The following KCNT2 variants were observed in gnomAD, a reference collection of about 807,000 sequenced individuals.
KCNT2 encodes potassium sodium-activated channel subfamily T member 2, also known as potassium channel subfamily T member 2.
Under a neutral mutation model 153.8 loss-of-function variants are expected in KCNT2, and 67 were observed. The observed-to-expected ratio is 0.44, with a 90% CI of 0.36 to 0.53. KCNT2 has a LOEUF of 0.53. KCNT2 is among the 20% of genes least tolerant of loss of function. The pLI, the probability that KCNT2 is intolerant of heterozygous loss-of-function variation, is 0.00. For synonymous variants in KCNT2, 500 were observed against 458.8 expected, an observed-to-expected ratio of 1.09 and a Z score of -1.15; for missense variants, 975 against 1,354.8, an observed-to-expected ratio of 0.72 and a Z score of 4.40.
intron 1 of KCNT2, among the ~76,000 whole-genome samples, chr1:196,569,307 A>C (rs1413215330): frequency 3.3e-5 from 5 of 152,172 alleles, no homozygotes. Flanking sequence ...ACTTTGAATA[A>C]AATATTTTTT....
intron 14 of KCNT2, among the ~76,000 whole-genome samples, chr1:196,347,971 G>A (rs985473509): frequency 6.6e-6 from 1 of 152,026 alleles, no homozygotes; most frequent in South Asian, 2.1e-4. Context: ...AGCTTTATGA[G>A]AAAAGGGATC....
chr1:196,281,087 G>A (rs1659048523), intron 24 of KCNT2, 99 bp from the exon 25 acceptor site: 2 of 902,884 alleles, frequency 2.2e-6, no homozygotes, highest in Non-Finnish European at 3.4e-6. Context: ...GTGGGGGGCA[G>A]GGTCTCACTC....
At chr1:196,516,068 T>A (rs2148811498) in intron 1 of KCNT2, among the ~76,000 whole-genome samples, 1 of 151,924 alleles carries the variant, frequency 6.6e-6, no homozygotes, top group Middle Eastern at 3.4e-3. Flanking sequence ...AGGTGGGAGG[T>A]CAGACCTGCG....
At chr1:196,451,814 C>T (rs1159851564) in intron 8 of KCNT2, among the ~76,000 whole-genome samples, 3 of 151,566 alleles carry the variant, frequency 2.0e-5, no homozygotes, top group African/African-American at 7.3e-5. Context: ...TTTGTTGTTA[C>T]TCATTTTTCC....
chr1:196,491,842 T>C (rs1038801489), intron 2 of KCNT2, among the ~76,000 whole-genome samples: 1 of 152,108 alleles, frequency 6.6e-6, no homozygotes, highest in African/African-American at 2.4e-5. Flanking sequence ...TTATTTGGAA[T>C]GATTAGGAAA....
chr1:196,329,244 C>A (rs1664198538), intron 18 of KCNT2, among the ~76,000 whole-genome samples: 1 of 151,976 alleles, frequency 6.6e-6, no homozygotes, highest in African/African-American at 2.4e-5. Flanking sequence ...TCCTAAAATC[C>A]CAAAGTGGGT....
intron 22 of KCNT2, among the ~76,000 whole-genome samples, chr1:196,290,312 A>G (rs1276719206): frequency 6.6e-6 from 1 of 151,976 alleles, no homozygotes; most frequent in African/African-American, 2.4e-5. Flanking sequence ...ACATCACTCT[A>G]TCTCAGCTTC....
chr1:196,557,968 A>G (rs1259102690), intron 1 of KCNT2, among the ~76,000 whole-genome samples: 1 of 151,436 alleles, frequency 6.6e-6, no homozygotes. Context: ...CTTATGTAGC[A>G]AAATGTGAGA....
Position 196,351,184 on chromosome 1 carries a change from C to T in KCNT2, c.1404-8956G>A, listed in dbSNP as rs559822311. Among the ~76,000 whole-genome samples the T allele has an allele frequency of 3.9e-5, 6 of 152,128 alleles. No individual in the cohort carries two copies. In the South Asian group the frequency reaches 8.3e-4, roughly 21 times the overall value. ...TTGGCTCACAATTGACTTGGTGATG[C>T]GGGCTTTTTTTTGGTGCCATATGAA... On this transcript the variant is annotated intron_variant, in intron 14 of 27. Transcript: ENST00000294725.
intron 8 of KCNT2, among the ~76,000 whole-genome samples, chr1:196,436,647 T>G (rs1271497855): frequency 6.6e-6 from 1 of 151,392 alleles, no homozygotes; most frequent in East Asian, 1.9e-4. Context: ...AAATGAAAAC[T>G]GTCTCCTCTC....
chr1:196,509,547 G>A (rs1681442579), intron 1 of KCNT2, among the ~76,000 whole-genome samples: 1 of 152,092 alleles, frequency 6.6e-6, no homozygotes, highest in Non-Finnish European at 1.5e-5. Flanking sequence ...CTTATTTACA[G>A]ATGCATACAT....
chr1:196,384,030 T>G (rs1038840435), intron 13 of KCNT2, among the ~76,000 whole-genome samples: 1 of 152,312 alleles, frequency 6.6e-6, no homozygotes, highest in South Asian at 2.1e-4. Flanking sequence ...ACCTTTAATA[T>G]TCTAACCACA....
Position 196,437,777 on chromosome 1 carries a change from C to T in KCNT2, c.639-8020G>A, listed in dbSNP as rs1572451961. Among the ~76,000 whole-genome samples, 3 of 151,030 alleles carry T rather than the reference C, an allele frequency of 2.0e-5. No homozygotes were observed. The South Asian group carries it at 6.2e-4, about 31-fold the overall frequency. On this transcript the variant is annotated intron_variant, in intron 8 of 27. Transcript: ENST00000294725. ...GTATTTTGTAATGGAAAAAAGCTAC[C>T]TAACATTATAAAAGTTAGTCACATT...
intron 1 of KCNT2, among the ~76,000 whole-genome samples, chr1:196,523,326 G>A (rs1299737394): frequency 6.6e-6 from 1 of 152,172 alleles, no homozygotes; most frequent in Non-Finnish European, 1.5e-5. Context: ...CACCATGAGG[G>A]TCTGTGGCTT....
intron 3 of KCNT2, among the ~76,000 whole-genome samples, chr1:196,485,191 T>C (rs901541186): frequency 1.3e-5 from 2 of 151,498 alleles, no homozygotes; most frequent in African/African-American, 4.8e-5. Flanking sequence ...CAAACTAACA[T>C]AGGAACAGAA....
At chr1:196,435,842 T>C (rs901185895) in intron 8 of KCNT2, among the ~76,000 whole-genome samples, 2 of 151,692 alleles carry the variant, frequency 1.3e-5, no homozygotes, top group Non-Finnish European at 3.0e-5. Flanking sequence ...TACAACTACT[T>C]CCCTTTTTAT....
intron 8 of KCNT2, among the ~76,000 whole-genome samples, chr1:196,461,317 G>T (rs967523729): frequency 6.6e-6 from 1 of 151,552 alleles, no homozygotes; most frequent in Non-Finnish European, 1.5e-5. Context: ...AGTTTATTTT[G>T]TCTTGAAATA....
chr1:196,532,256 G>C (rs147039574), intron 1 of KCNT2, among the ~76,000 whole-genome samples: 1 of 152,108 alleles, frequency 6.6e-6, no homozygotes, highest in African/African-American at 2.4e-5. Context: ...ATTCTGAATA[G>C]TTCGTAAACA....
intron 26 of KCNT2, among the ~76,000 whole-genome samples, chr1:196,244,906 T>C (rs770719432): frequency 6.6e-6 from 1 of 152,126 alleles, no homozygotes; most frequent in Non-Finnish European, 1.5e-5. Flanking sequence ...GGCCCCATAG[T>C]GTGTTGGCTT....
Sources: allele counts gnomAD v4.1 joint callset (sites outside exome capture counted in the v4.1 genomes callset), GRCh38; gene constraint gnomAD v4.1.1; transcripts MANE v1.5; gene names NCBI Gene and HGNC (gene_info 2026-07-23, HGNC 2026-07-21).